Variants in PRKG1 observed in about 807,000 individuals in gnomAD.
PRKG1 encodes the protein cGMP-dependent protein kinase 1.
A neutral mutation model predicts 88.1 loss-of-function variants in PRKG1; 35 were observed. The observed-to-expected ratio is 0.40, with a 90% CI of 0.30 to 0.53. The LOEUF is 0.53. PRKG1 is among the 20% of genes least tolerant of loss of function. PRKG1 has a pLI of 0.59. For synonymous variants in PRKG1, 303 were observed against 292.5 expected (o/e 1.04, Z -0.37); for missense variants, 540 against 839.8 (o/e 0.64, Z 4.41).
intron 2 of PRKG1, among the ~76,000 whole-genome samples, chr10:51,185,102 T>C (rs1323541816): frequency 1.3e-5 from 2 of 152,198 alleles, no homozygotes; most frequent in East Asian, 3.8e-4. Flanking sequence ...TTTATCATTA[T>C]GGGTAACATT....
chr10:51,544,981 T>C (rs1842411277), intron 3 of PRKG1, among the ~76,000 whole-genome samples: 2 of 151,734 alleles, frequency 1.3e-5, no homozygotes, highest in Admixed American at 1.3e-4. Context: ...AAAACCACAA[T>C]GAGGTTTTTT....
intron 3 of PRKG1, among the ~76,000 whole-genome samples, chr10:51,609,189 A>T (rs541612108): frequency 7.3e-4 from 111 of 152,030 alleles, no homozygotes; most frequent in African/African-American, 1.8e-3. Context: ...AATATTTTTT[A>T]AAAAAAATTT....
intron 3 of PRKG1, among the ~76,000 whole-genome samples, chr10:51,517,661 G>A (rs1405062623): frequency 2.0e-5 from 3 of 152,100 alleles, no homozygotes; most frequent in Non-Finnish European, 4.4e-5. Flanking sequence ...CCCACTTATA[G>A]GTCTATTTCT....
chr10:51,803,446 C>T (rs765775163), intron 3 of PRKG1, among the ~76,000 whole-genome samples: 6 of 152,164 alleles, frequency 3.9e-5, no homozygotes, highest in East Asian at 1.9e-4. Flanking sequence ...ATATTCATTC[C>T]TCTTATCTTC....
intron 9 of PRKG1, chr10:52,184,597 G>A (rs1839136544): frequency 1.3e-5 from 2 of 152,184 alleles, no homozygotes; most frequent in Non-Finnish European, 1.5e-5. Flanking sequence ...CATTTCAGGT[G>A]TGCTAGACCA....
intron 2 of PRKG1, among the ~76,000 whole-genome samples, chr10:51,313,950 TG>T (rs1841256665): frequency 6.6e-6 from 1 of 152,186 alleles, no homozygotes; most frequent in South Asian, 2.1e-4. Flanking sequence ...GATGAATCCA[TG>T]GGTGTGGAAC....
intron 13 of PRKG1, 147 bp from the exon 14 acceptor site, chr10:52,282,006 A>C (rs1211193928): frequency 2.7e-5 from 22 of 813,480 alleles, no homozygotes; most frequent in Non-Finnish European, 3.7e-5. Context: ...CTGTCTTTGC[A>C]ATATAGACTA....
At chr10:51,041,093 T>A (rs932514866) in intron 1 of PRKG1, among the ~76,000 whole-genome samples, 1 of 152,074 alleles carries the variant, frequency 6.6e-6, no homozygotes, top group Non-Finnish European at 1.5e-5. Flanking sequence ...TCTCTCCCTG[T>A]GGCCACCACC....
intron 7 of PRKG1, among the ~76,000 whole-genome samples, chr10:52,098,048 G>GA (rs756083504): frequency 6.6e-6 from 1 of 152,002 alleles, no homozygotes; most frequent in African/African-American, 2.4e-5. Flanking sequence ...GTCTAATAAG[G>GA]AAAAAATTTA....
chr10:51,187,634 G>T (rs1443541443), intron 2 of PRKG1, among the ~76,000 whole-genome samples: 5 of 151,862 alleles, frequency 3.3e-5, no homozygotes, highest in African/African-American at 4.8e-5. Context: ...TTATTTTCAT[G>T]CCTCAGTGAT....
At chr10:51,952,180 G>A (rs1287983392) in intron 5 of PRKG1, among the ~76,000 whole-genome samples, 1 of 152,224 alleles carries the variant, frequency 6.6e-6, no homozygotes, top group African/African-American at 2.4e-5. Context: ...AATATATAAT[G>A]TGGGTTTTTT....
At chr10:51,473,424 G>A (rs1254270236) in intron 3 of PRKG1, among the ~76,000 whole-genome samples, 2 of 151,706 alleles carry the variant, frequency 1.3e-5, no homozygotes, top group African/African-American at 4.8e-5. Flanking sequence ...GAGGGAAACT[G>A]TTACAATCAA....
chr10:51,748,828 C>T (rs1399629661), intron 3 of PRKG1, among the ~76,000 whole-genome samples: 2 of 152,174 alleles, frequency 1.3e-5, no homozygotes, highest in Non-Finnish European at 2.9e-5. Flanking sequence ...ATGTAACACT[C>T]TCAAAATAGC....
At chr10:52,180,814 C>A (rs954934814) in intron 9 of PRKG1, among the ~76,000 whole-genome samples, 1 of 152,140 alleles carries the variant, frequency 6.6e-6, no homozygotes, top group East Asian at 1.9e-4. Context: ...GGATTTGGAC[C>A]ATGGGGCTGT....
At chr10:52,116,462 G>GA (rs1847690108) in intron 7 of PRKG1, among the ~76,000 whole-genome samples, 1 of 152,076 alleles carries the variant, frequency 6.6e-6, no homozygotes, top group Non-Finnish European at 1.5e-5. Context: ...ATTATTTTCT[G>GA]TAGGTTTCAG....
chr10:51,223,094 A>C lies in PRKG1; in HGVS notation c.478+69764A>C, dbSNP rs540596141. On this transcript the variant is annotated intron_variant, in intron 2 of 17. Transcript: ENST00000373980. ...TACAAGTAAACAATAGAGGAATATT[A>C]ACTGTAATCACCACGCTGTATATTA... 1.3e-4 allele frequency among the ~76,000 whole-genome samples: 20 copies of C among 152,128 alleles called. No individual in the cohort carries two copies. In the East Asian group the frequency reaches 3.9e-3, roughly 29 times the overall value.
intron 2 of PRKG1, among the ~76,000 whole-genome samples, chr10:51,423,402 CTT>C (rs1257893774): frequency 1.3e-5 from 2 of 152,170 alleles, no homozygotes; most frequent in Non-Finnish European, 2.9e-5. Flanking sequence ...CTTCATATCT[CTT>C]TGTCTTCCTT....
chr10:51,693,944 A>T (rs991094539), intron 3 of PRKG1, among the ~76,000 whole-genome samples: 1 of 152,194 alleles, frequency 6.6e-6, no homozygotes, highest in South Asian at 2.1e-4. Flanking sequence ...ATATAAGCAC[A>T]TTATATAGTA....
At chr10:51,919,525 T>C (rs940046888) in intron 5 of PRKG1, among the ~76,000 whole-genome samples, 2 of 138,380 alleles carry the variant, frequency 1.4e-5, no homozygotes, top group African/African-American at 4.9e-5. Context: ...TGCAATACCA[T>C]TCTGCAGATT....
Sources: allele counts gnomAD v4.1 joint callset (sites outside exome capture counted in the v4.1 genomes callset), GRCh38; gene constraint gnomAD v4.1.1; transcripts MANE v1.5; gene names NCBI Gene and HGNC (gene_info 2026-07-23, HGNC 2026-07-21).